The following PARVG variants were observed in gnomAD, a reference collection of about 807,000 sequenced individuals.
PARVG encodes parvin gamma.
In PARVG, 36 loss-of-function variants were observed where a neutral mutation model predicts 44.4. The observed-to-expected ratio is 0.81, with a 90% CI of 0.62 to 1.07. The LOEUF (loss-of-function observed/expected upper bound fraction) is 1.07, where lower values mean the gene tolerates loss of function less well. Among genes scored for constraint, PARVG ranks in the 50% least tolerant of loss-of-function variants. PARVG has a pLI of 0.00. For missense variants in PARVG, 407 were observed against 407.4 expected, an observed-to-expected ratio of 1.00 and a Z score of 0.01; for synonymous variants, 170 against 174.1, an observed-to-expected ratio of 0.98 and a Z score of 0.19.
intron 12 of PARVG, among the ~76,000 whole-genome samples, chr22:44,204,892 G>A (rs1305731484): frequency 3.3e-5 from 5 of 151,740 alleles, no homozygotes; most frequent in Non-Finnish European, 5.9e-5. Flanking sequence ...GCTTGTAGAC[G>A]AGGCCCAAGG....
exon 1 of PARVG, chr22:44,173,153 G>A (rs939300928): frequency 1.4e-4 from 182 of 1,284,030 alleles, no homozygotes; most frequent in Non-Finnish European, 1.8e-4. Flanking sequence ...CTTCTGCTGG[G>A]ACCACAAGGA....
chr22:44,205,641 G>A (rs947185469), intron 12 of PARVG, 116 bp from the exon 13 acceptor site: 9 of 1,229,354 alleles, frequency 7.3e-6, no homozygotes, highest in Non-Finnish European at 1.1e-5. Flanking sequence ...CCTTGGATGG[G>A]AGTTTAGGCT....
chr22:44,196,743 G>A (rs544601826), intron 11 of PARVG, among the ~76,000 whole-genome samples: 1 of 152,308 alleles, frequency 6.6e-6, no homozygotes, highest in Admixed American at 6.5e-5. Flanking sequence ...TCTTCCCTGC[G>A]TGGTTGTGTT....
chr22:44,195,887 G>C (rs2054610677), intron 9 of PARVG, among the ~76,000 whole-genome samples: 1 of 152,150 alleles, frequency 6.6e-6, no homozygotes, highest in Non-Finnish European at 1.5e-5. Context: ...CTGTGCCATG[G>C]GGCCATGTGT....
At chr22:44,206,173 G>T in intron 13 of PARVG, 144 bp from the exon 14 acceptor site, 1 of 667,870 alleles carries the variant, frequency 1.5e-6, no homozygotes. Flanking sequence ...ACCCAGGCCT[G>T]GAGTGACCAG....
intron 8 of PARVG, among the ~76,000 whole-genome samples, chr22:44,192,874 G>A (rs2054569068): frequency 6.6e-6 from 1 of 152,228 alleles, no homozygotes; most frequent in Non-Finnish European, 1.5e-5. Flanking sequence ...GGCCTGGAGA[G>A]GGATGGGCCC....
In PARVG at chr22:44,187,913, G is replaced by T. The variant is rs756709871; in HGVS notation, c.247+35G>T. ...TGTTTCTGGGGCTGCCTGGGCCTCGGCCCCATCCCCCTGACCTGGCCCCTC... is the reference window on the plus strand; with the variant it reads ...TGTTTCTGGGGCTGCCTGGGCCTCGTCCCCATCCCCCTGACCTGGCCCCTC... On this transcript the variant is annotated intron_variant, in intron 5 of 13. Transcript: ENST00000444313. 4 of 1,610,322 alleles carry T rather than the reference G, an allele frequency of 2.5e-6. No homozygotes were observed. In the Admixed American group the frequency reaches 6.7e-5, roughly 27 times the overall value.
chr22:44,198,506 C>T (rs2054647869), intron 11 of PARVG, 115 bp from the exon 12 acceptor site: 3 of 794,638 alleles, frequency 3.8e-6, no homozygotes, highest in Admixed American at 2.2e-5. Context: ...CTCATCAAGG[C>T]ACCAGAGGCT....
chr22:44,181,602 G>A, intron 1 of PARVG, 140 bp from the exon 2 acceptor site: 1 of 657,618 alleles, frequency 1.5e-6, no homozygotes, highest in African/African-American at 2.0e-5. Context: ...GGGGAGAAAT[G>A]AAAGCATTGA....
intron 12 of PARVG, among the ~76,000 whole-genome samples, chr22:44,201,758 T>A (rs936547113): frequency 1.3e-5 from 2 of 152,110 alleles, no homozygotes; most frequent in East Asian, 3.9e-4. Context: ...CAGCTAGGCT[T>A]TGTCACTCCT....
chr22:44,203,503 T>C (rs2054737072), intron 12 of PARVG, among the ~76,000 whole-genome samples: 1 of 152,194 alleles, frequency 6.6e-6, no homozygotes, highest in Admixed American at 6.5e-5. Flanking sequence ...CCATCTTAGA[T>C]CACAGTTTGG....
At chr22:44,188,175 G>A in intron 5 of PARVG, 1 of 434,458 alleles carries the variant, frequency 2.3e-6, no homozygotes, top group Non-Finnish European at 4.3e-6. Context: ...TTGAGGTGCT[G>A]GGAGGTAACA....
At position 44,206,352 on chromosome 22, in the gene PARVG, G is replaced by C; in HGVS notation, c.922G>C (p.Val308Leu). ...VNKDAKSTLRVLYGLFCKHTQ... is the reference protein window; with the variant it reads ...VNKDAKSTLRLLYGLFCKHTQ... ...CAAGGATGCCAAGAGCACACTGAGG[G>C]TGCTCTATGGTCTGTTCTGCAAGCA... is the stretch of plus-strand genomic sequence containing the variant. The change falls in exon 14 of 14, where the codon GTG becomes CTG. Residue 308 changes from valine to leucine, a missense_variant. Physicochemically the swap from Val to Leu is conservative, Grantham distance 32 (BLOSUM62 1). Coordinates refer to ENST00000444313, the MANE Select transcript of PARVG (RefSeq NM_022141.7). The C allele has an allele frequency of 6.2e-7, 1 of 1,613,942 alleles. No individual in the cohort carries two copies. Among genetic ancestry groups the C allele is most frequent in the Non-Finnish European group, 8.5e-7 (1 of 1,179,972 alleles).
At chr22:44,200,604 G>A (rs1034214391) in intron 12 of PARVG, among the ~76,000 whole-genome samples, 3 of 152,192 alleles carry the variant, frequency 2.0e-5, no homozygotes, top group African/African-American at 7.2e-5. Context: ...CCATGCCAGG[G>A]TTCCCGTGGC....
At position 44,206,590 on chromosome 22, in the gene PARVG, G is replaced by A. The variant is rs1290667361; in HGVS notation, c.*164G>A. On this transcript the variant is annotated 3_prime_UTR_variant, in exon 14 of 14. Transcript: ENST00000444313. ...CGTTGGATTATCTTTGAACCCCCTT[G>A]TGTGGATCATTTTGAGCCGCCTGGC... The A allele has an allele frequency of 6.2e-6, 4 of 649,792 alleles. No homozygotes were observed. Among genetic ancestry groups the A allele is most frequent in the Non-Finnish European group, 1.1e-5 (4 of 367,848 alleles). 40.3% of individuals were successfully genotyped at this position (649,792 alleles called of 1,614,324 possible). A position where few individuals can be genotyped will look rare whatever the true frequency, so the allele number is the denominator to read the frequency against.
chr22:44,173,459 G>T (rs1026598107), intron 1 of PARVG, among the ~76,000 whole-genome samples: 1 of 152,142 alleles, frequency 6.6e-6, no homozygotes, highest in Admixed American at 6.5e-5. Flanking sequence ...CAGGTTTCAG[G>T]TGCGTCGAAT....
rs2054580592 is a variant in PARVG at position 44,193,715 on chromosome 22, A to G, written c.561-86A>G. The G allele has an allele frequency of 2.6e-6, 4 of 1,555,864 alleles. No individual in the cohort carries two copies. In the East Asian group the frequency reaches 6.7e-5, roughly 26 times the overall value. ...CCAGTTTCTTTGCAACCTTGCCAGC[A>G]CTGAGGCTTGTCATATTGAGAAATT... On this transcript the variant is annotated intron_variant, in intron 8 of 13. Transcript: ENST00000444313.
At chr22:44,195,873 G>T (rs949648596) in intron 9 of PARVG, among the ~76,000 whole-genome samples, 8 of 152,178 alleles carry the variant, frequency 5.3e-5, no homozygotes, top group Non-Finnish European at 8.8e-5. Flanking sequence ...TGTGTGCCCA[G>T]TCACTGTGCC....
upstream of PARVG, among the ~76,000 whole-genome samples, chr22:44,176,705 G>A (rs2054322299): frequency 6.6e-6 from 1 of 151,908 alleles, no homozygotes; most frequent in African/African-American, 2.4e-5. Context: ...AAAGTTGCAG[G>A]AATACTACAA....
Sources: gnomAD v4.1 joint callset for allele counts (sites outside exome capture counted in the v4.1 genomes callset) on GRCh38, gnomAD v4.1.1 for gene constraint, MANE v1.5 for transcripts, NCBI Gene and HGNC (gene_info 2026-07-23, HGNC 2026-07-21) for gene names.